SLC35F1: variants seen among roughly 807,000 people sequenced by gnomAD.
SLC35F1 encodes the protein chromosome 6 open reading frame 169.
In SLC35F1, 14 loss-of-function variants were observed where a neutral mutation model predicts 48.7. That is an observed-to-expected ratio of 0.29 (90% CI 0.19 to 0.45). The LOEUF is 0.45. SLC35F1 is among the 20% of genes least tolerant of loss of function. The pLI is 1.00. For synonymous variants in SLC35F1, 190 were observed against 202.2 expected (o/e 0.94, Z 0.51); for missense variants, 404 against 500.0 (o/e 0.81, Z 1.83).
chr6:118,082,885 T>C (rs546269244), intron 1 of SLC35F1, among the ~76,000 whole-genome samples: 1 of 152,214 alleles, frequency 6.6e-6, no homozygotes, highest in African/African-American at 2.4e-5. Context: ...ATCCCTGAAG[T>C]TGTCACAATG....
At chr6:118,005,865 A>T (rs991838424) in intron 1 of SLC35F1, among the ~76,000 whole-genome samples, 1 of 152,126 alleles carries the variant, frequency 6.6e-6, no homozygotes, top group Non-Finnish European at 1.5e-5. Flanking sequence ...TTCCCATAGG[A>T]TCACTTCTTC....
At chr6:118,238,134 T>C (rs573154420) in intron 3 of SLC35F1, among the ~76,000 whole-genome samples, 118 of 152,274 alleles carry the variant, frequency 7.7e-4, no homozygotes, top group African/African-American at 2.8e-3. Flanking sequence ...ATTTGCTACA[T>C]TTTTAAAGTT....
chr6:118,289,752 C>T (rs1193022376), intron 7 of SLC35F1, among the ~76,000 whole-genome samples: 2 of 152,092 alleles, frequency 1.3e-5, no homozygotes, highest in African/African-American at 4.8e-5. Context: ...CATAGTCATG[C>T]CTAGGTCCTG....
chr6:118,009,635 C>A (rs950485561), intron 1 of SLC35F1, among the ~76,000 whole-genome samples: 5 of 152,178 alleles, frequency 3.3e-5, no homozygotes, highest in Admixed American at 2.0e-4. Flanking sequence ...CACATCCAAT[C>A]ATCTTTTGAC....
At chr6:118,205,545 A>C (rs1281712341) in intron 2 of SLC35F1, among the ~76,000 whole-genome samples, 1 of 152,184 alleles carries the variant, frequency 6.6e-6, no homozygotes, top group Non-Finnish European at 1.5e-5. Context: ...ACACTTGCGC[A>C]TTGCTGGTGG....
chr6:118,245,410 T>C (rs571813126), intron 3 of SLC35F1, among the ~76,000 whole-genome samples: 7 of 152,304 alleles, frequency 4.6e-5, no homozygotes, highest in African/African-American at 7.2e-5. Context: ...CCTTGTGGCC[T>C]GATGTCGGTC....
chr6:118,273,966 G>C (rs1004372203), intron 4 of SLC35F1, among the ~76,000 whole-genome samples: 2 of 152,208 alleles, frequency 1.3e-5, no homozygotes, highest in Admixed American at 6.5e-5. Context: ...CTTCCAAGGT[G>C]ACCACAGATT....
chr6:118,032,159 TTTTC>T (rs1772063836), intron 1 of SLC35F1, among the ~76,000 whole-genome samples: 1 of 152,232 alleles, frequency 6.6e-6, no homozygotes. Context: ...TCCAGATACA[TTTTC>T]TTTCTTTGGT....
intron 1 of SLC35F1, among the ~76,000 whole-genome samples, chr6:117,958,606 G>A (rs548773512): frequency 2.6e-5 from 4 of 152,286 alleles, no homozygotes; most frequent in African/African-American, 9.6e-5. Flanking sequence ...ATTGCCTACA[G>A]TATTCAGTAA....
intron 1 of SLC35F1, among the ~76,000 whole-genome samples, chr6:117,918,920 A>G (rs1188040188): frequency 6.6e-6 from 1 of 151,990 alleles, no homozygotes; most frequent in Non-Finnish European, 1.5e-5. Context: ...TTAAGAGACA[A>G]AGTTTCACGC....
intron 2 of SLC35F1, among the ~76,000 whole-genome samples, chr6:118,205,539 T>C (rs1305860027): frequency 6.6e-6 from 1 of 152,170 alleles, no homozygotes; most frequent in Non-Finnish European, 1.5e-5. Context: ...ATTAGAACAC[T>C]TGCGCATTGC....
chr6:118,297,654 A>AGTT (rs1554245939), intron 7 of SLC35F1, among the ~76,000 whole-genome samples: 1 of 30,932 alleles, frequency 3.2e-5, no homozygotes, highest in South Asian at 9.3e-4. Flanking sequence ...TATATATATA[A>AGTT]TATATATAAT....
intron 1 of SLC35F1, among the ~76,000 whole-genome samples, chr6:117,998,366 C>T (rs549949604): frequency 7.9e-5 from 12 of 151,478 alleles, no homozygotes; most frequent in Admixed American, 5.3e-4. Context: ...GACAGATCAA[C>T]GAGACAGAAA....
chr6:118,158,077 G>A (rs187115899), intron 2 of SLC35F1, among the ~76,000 whole-genome samples: 166 of 152,260 alleles, frequency 1.1e-3, no homozygotes, highest in South Asian at 2.7e-3. Context: ...TCTGACTACC[G>A]ATACCAGTCT....
chr6:118,185,509 TCAAA>T (rs566277861), intron 2 of SLC35F1, among the ~76,000 whole-genome samples: 133 of 152,170 alleles, frequency 8.7e-4, no homozygotes, highest in African/African-American at 2.9e-3. Context: ...GAAAACAAAA[TCAAA>T]CAGTGTTAAG....
chr6:117,958,521 T>C (rs991424535), intron 1 of SLC35F1, among the ~76,000 whole-genome samples: 23 of 152,188 alleles, frequency 1.5e-4, no homozygotes, highest in African/African-American at 5.1e-4. Flanking sequence ...TTTTTGTCTT[T>C]TATACCATAT....
At chr6:118,096,587 CT>C (rs1423968712) in intron 1 of SLC35F1, among the ~76,000 whole-genome samples, 1 of 152,044 alleles carries the variant, frequency 6.6e-6, no homozygotes, top group Non-Finnish European at 1.5e-5. Flanking sequence ...ATAGATGGGC[CT>C]TCATTATTTT....
intron 2 of SLC35F1, among the ~76,000 whole-genome samples, chr6:118,170,515 C>T (rs540403584): frequency 1.1e-4 from 16 of 152,318 alleles, no homozygotes; most frequent in Non-Finnish European, 2.4e-4. Flanking sequence ...TTTGGACTCA[C>T]TGCAGCCTTT....
At chr6:118,236,014 A>T (rs531926223) in intron 3 of SLC35F1, among the ~76,000 whole-genome samples, 1 of 152,198 alleles carries the variant, frequency 6.6e-6, no homozygotes, top group East Asian at 1.9e-4. Context: ...ATAAAAACAA[A>T]TCAATTTTAA....
Sources: allele counts gnomAD v4.1 joint callset (sites outside exome capture counted in the v4.1 genomes callset), GRCh38; gene constraint gnomAD v4.1.1; transcripts MANE v1.5; gene names NCBI Gene and HGNC (gene_info 2026-07-23, HGNC 2026-07-21).